DNAH9: variants seen among roughly 807,000 people sequenced by gnomAD.
DNAH9 encodes DNAH9 variant protein.
A neutral mutation model predicts 471.6 loss-of-function variants in DNAH9; 345 were observed. That is an observed-to-expected ratio of 0.73 (90% CI 0.67 to 0.80). The LOEUF (loss-of-function observed/expected upper bound fraction) is 0.80, where lower values mean the gene tolerates loss of function less well. Ranked by LOEUF, DNAH9 falls within the 30% of genes least tolerant of loss-of-function variation. The pLI is 0.00. For synonymous variants in DNAH9, 2,093 were observed against 2,123.6 expected (o/e 0.99, Z 0.40); for missense variants, 5,407 against 5,609.2 (o/e 0.96, Z 1.15).
At chr17:11,737,975 A>G (rs1378589305) in intron 28 of DNAH9, among the ~76,000 whole-genome samples, 1 of 152,180 alleles carries the variant, frequency 6.6e-6, no homozygotes, top group African/African-American at 2.4e-5. Context: ...TACTTCACAG[A>G]CTTTATTTCA....
chr17:11,694,198 CTAAG>C, intron 21 of DNAH9, 119 bp from the exon 22 acceptor site: 17 of 1,283,444 alleles, frequency 1.3e-5, no homozygotes, highest in Non-Finnish European at 1.9e-5. Context: ...GCAAATATCT[CTAAG>C]TGTTTCTTGT....
chr17:11,859,629 A>G (rs539807656), intron 50 of DNAH9, among the ~76,000 whole-genome samples: 1 of 152,274 alleles, frequency 6.6e-6, no homozygotes, highest in South Asian at 2.1e-4. Flanking sequence ...AGGTTTTACA[A>G]GCAGCATGGT....
chr17:11,958,581 T>C (rs1975799781), intron 67 of DNAH9, among the ~76,000 whole-genome samples: 1 of 152,132 alleles, frequency 6.6e-6, no homozygotes, highest in Admixed American at 6.6e-5. Flanking sequence ...TGAGTGATAA[T>C]GAGGTGAATG....
chr17:11,650,854 G>A (rs558339835), intron 12 of DNAH9, among the ~76,000 whole-genome samples: 4 of 152,272 alleles, frequency 2.6e-5, no homozygotes, highest in African/African-American at 7.2e-5. Flanking sequence ...ATGATGTATA[G>A]ATTTAGGAGC....
intron 50 of DNAH9, among the ~76,000 whole-genome samples, chr17:11,860,637 C>A (rs1381693877): frequency 6.6e-6 from 1 of 152,096 alleles, no homozygotes; most frequent in Non-Finnish European, 1.5e-5. Flanking sequence ...TCTCTGCTCA[C>A]TGCAACCTCT....
Position 11,629,411 on chromosome 17 carries a change from C to T in DNAH9, c.1351-6C>T. The T allele has an allele frequency of 9.3e-6, 15 of 1,613,152 alleles. No individual in the cohort carries two copies. The highest frequency in any genetic ancestry group is 1.3e-5 in the Non-Finnish European group (15 of 1,179,386). The stretch of plus-strand genomic sequence containing the variant: ...ATTTTAACTTTTTTGTGAATTGTCC[C>T]CATAGGGTCTTCTGAAGACGGCCCT... On this transcript the variant is annotated splice_polypyrimidine_tract_variant and splice_region_variant and intron_variant, in intron 6 of 68. Transcript: ENST00000262442.
intron 38 of DNAH9, among the ~76,000 whole-genome samples, chr17:11,779,091 C>A (rs956608499): frequency 2.0e-5 from 3 of 152,146 alleles, no homozygotes; most frequent in Non-Finnish European, 4.4e-5. Context: ...CACCCTGGTG[C>A]AGCAGCTGAC....
Position 11,619,743 on chromosome 17 carries a change from C to A in DNAH9, c.1312C>A (p.Arg438=). ...WDFQSSLVFV[R]LDGFLGQLHV... is the part of the protein sequence containing the mutation. Reference sequence around the variant, plus strand: ...TTTCCAGTCTTCTTTGGTCTTTGTGCGATTGGATGGCTTCCTGGGACAACT... The same window carrying A: ...TTTCCAGTCTTCTTTGGTCTTTGTGAGATTGGATGGCTTCCTGGGACAACT... The change falls in exon 6 of 69, where the codon CGA becomes AGA. Residue 438 remains arginine (R), a synonymous_variant. Coordinates refer to ENST00000262442, the MANE Select transcript of DNAH9 (RefSeq NM_001372.4). The A allele has an allele frequency of 6.2e-7, 1 of 1,613,638 alleles. No individual in the cohort carries two copies. Among genetic ancestry groups the A allele is most frequent in the South Asian group, 1.1e-5 (1 of 91,066 alleles).
In DNAH9 at chr17:11,727,803, T is replaced by A; in HGVS notation, c.5710-15T>A. On this transcript the variant is annotated splice_polypyrimidine_tract_variant and intron_variant, in intron 27 of 68. Transcript: ENST00000262442. ...TGGCCCGTTGGTAATTTAATCTTTG[T>A]GCATTTTCTTGCAGTCTTGTGGCAA... is the stretch of plus-strand genomic sequence containing the variant. The A allele has an allele frequency of 6.3e-7, 1 of 1,584,452 alleles. No individual in the cohort carries two copies. Among genetic ancestry groups the A allele is most frequent in the South Asian group, 1.1e-5 (1 of 90,494 alleles).
Position 11,608,215 on chromosome 17 carries a change from C to G in DNAH9, c.504C>G (p.Ser168Arg). The change falls in exon 2 of 69, where the codon AGC (serine) becomes AGG (arginine). Residue 168 changes from serine to arginine, a missense_variant. By Grantham distance (110) the Ser-to-Arg change is moderately radical (BLOSUM62 -1). This residue lies in a region of DNAH9 where 767 missense variants were observed against 692.5 expected (regional missense o/e 1.11). Coordinates refer to ENST00000262442, the MANE Select transcript of DNAH9 (RefSeq NM_001372.4). ...AGGATGTCAGGCGGCACGCCCACAGCCTCCAATGTGACCTCTCAGTTATAC... is the reference window on the plus strand; with the variant it reads ...AGGATGTCAGGCGGCACGCCCACAGGCTCCAATGTGACCTCTCAGTTATAC... ...ICEDVRRHAH[S>R]LQCDLSVILE... The G allele has an allele frequency of 6.2e-7, 1 of 1,614,016 alleles. No homozygotes were observed. The highest frequency in any genetic ancestry group is 1.1e-5 in the South Asian group (1 of 91,076).
intron 19 of DNAH9, among the ~76,000 whole-genome samples, chr17:11,681,602 C>A (rs771766442): frequency 2.0e-5 from 3 of 152,198 alleles, no homozygotes; most frequent in Admixed American, 1.3e-4. Context: ...CCTAACGCTC[C>A]AGCTCTGTGA....
At chr17:11,621,952 G>T (rs1208230647) in intron 6 of DNAH9, among the ~76,000 whole-genome samples, 2 of 151,966 alleles carry the variant, frequency 1.3e-5, no homozygotes, top group Non-Finnish European at 2.9e-5. Context: ...CTGGTGTGGT[G>T]ACGTGCACCT....
At chr17:11,649,127 CA>C (rs34813249) in intron 12 of DNAH9, among the ~76,000 whole-genome samples, 48,113 of 124,554 alleles carry the variant, frequency 0.39, 7,804 homozygotes, top group Middle Eastern at 0.46. Flanking sequence ...AACTCCATCT[CA>C]AAAAAAAAAA....
chr17:11,733,230 C>T (rs910829690), intron 28 of DNAH9, among the ~76,000 whole-genome samples: 1 of 152,176 alleles, frequency 6.6e-6, no homozygotes, highest in African/African-American at 2.4e-5. Context: ...ATGAGCCACT[C>T]TCCTAGAATA....
rs764903874 is a variant in DNAH9, at chr17:11,781,846, AAC to A, written c.7718+674_7718+675del. On this transcript the variant is annotated intron_variant, in intron 39 of 68. Transcript: ENST00000262442. ...GACTCCATCTTAAAAAAAAAAAACA[AAC>A]AAAAAAAAAACTACCAAACACCCGG... 1.6e-3 allele frequency among the ~76,000 whole-genome samples: 230 copies of A among 145,956 alleles called. 7 individuals carry two copies. The highest frequency in any genetic ancestry group is 3.4e-3 in the African/African-American group (125 of 37,308).
At position 11,926,069 on chromosome 17, in the gene DNAH9, G is replaced by A. The variant is rs987331263; in HGVS notation, c.11877+2128G>A. On this transcript the variant is annotated intron_variant, in intron 62 of 68. Coordinates refer to ENST00000262442, the MANE Select transcript of DNAH9 (RefSeq NM_001372.4). The stretch of plus-strand genomic sequence containing the variant: ...AAAAAAAAAAAAAAAAAAAGCTGGG[G>A]GGGGAGGAATACACTTAACAAATTC... Among the ~76,000 whole-genome samples the A allele has an allele frequency of 4.5e-5, 6 of 134,380 alleles. 1 individual carries two copies. Among genetic ancestry groups the A allele is most frequent in the Non-Finnish European group, 9.2e-5 (6 of 65,258 alleles). 88.2% of individuals were successfully genotyped at this position (134,380 alleles called of 152,430 possible).
intron 48 of DNAH9, 101 bp downstream of exon 48, chr17:11,823,135 A>G (rs1315080879): frequency 2.0e-6 from 2 of 1,010,282 alleles, no homozygotes. Flanking sequence ...TCTGAAAAAT[A>G]TGTACGGTTT....
chr17:11,886,347 CAAAA>C (rs1328388530), intron 56 of DNAH9, among the ~76,000 whole-genome samples: 3 of 151,764 alleles, frequency 2.0e-5, no homozygotes, highest in African/African-American at 2.4e-5. Flanking sequence ...AACAAACAAA[CAAAA>C]AAGAAATTTT....
At chr17:11,844,246 C>G (rs1266368911) in intron 49 of DNAH9, among the ~76,000 whole-genome samples, 1 of 151,954 alleles carries the variant, frequency 6.6e-6, no homozygotes, top group South Asian at 2.1e-4. Flanking sequence ...TTCTGTAGAT[C>G]ACAAAATACC....
Sources: allele counts gnomAD v4.1 joint callset (sites outside exome capture counted in the v4.1 genomes callset), GRCh38; gene constraint gnomAD v4.1.1; regional missense constraint gnomAD v4.1.1; transcripts MANE v1.5; gene names NCBI Gene and HGNC (gene_info 2026-07-23, HGNC 2026-07-21).